Variants in SLC25A53 observed in about 807,000 individuals in gnomAD.
SLC25A53 encodes the protein mitochondrial carrier triple repeat protein 6.
In SLC25A53, 5 loss-of-function variants were observed where a neutral mutation model predicts 15.0. The ratio of observed to expected loss-of-function variants is 0.33; its 90% CI spans 0.17 to 0.70. The LOEUF (loss-of-function observed/expected upper bound fraction) is 0.70. SLC25A53 is among the 30% of genes least tolerant of loss of function. The pLI is 0.67. For synonymous variants in SLC25A53, 95 were observed against 100.0 expected (o/e 0.95, Z 0.30); for missense variants, 216 against 241.6 (o/e 0.89, Z 0.70).
intron 1 of SLC25A53, among the ~76,000 whole-genome samples, chrX:104,129,396 G>A (rs1208872287): frequency 1.8e-5 from 2 of 111,256 alleles, no homozygotes; most frequent in Non-Finnish European, 3.8e-5. Flanking sequence ...CCTCTACAGG[G>A]CACATCACTG....
At position 104,104,216 on chromosome X, in the gene SLC25A53, T is replaced by G; in HGVS notation, c.*118A>C. On this transcript the variant is annotated 3_prime_UTR_variant, in exon 2 of 2. Coordinates refer to ENST00000594199, the MANE Select transcript of SLC25A53 (RefSeq NM_001012755.5). ...GTAGTTGGGAACTTCTCCCATGCAA[T>G]GAGTTTATAGATGCTAAAGGATGGC... is the stretch of plus-strand genomic sequence containing the variant. 17 of 628,904 alleles carry G rather than the reference T, an allele frequency of 2.7e-5. No individual in the cohort carries two copies. The highest frequency in any genetic ancestry group is 3.9e-5 in the Non-Finnish European group (16 of 410,812). The allele number at this position is 628,904 out of a possible 1,213,427, so 51.8% of individuals were successfully genotyped here.
Position 104,150,690 on chromosome X carries a change from G to T in SLC25A53, c.-32+6188C>A, listed in dbSNP as rs191646499. Among the ~76,000 whole-genome samples, 5 of 112,270 alleles carry T rather than the reference G, an allele frequency of 4.5e-5. No homozygotes were observed. The East Asian group carries it at 1.4e-3, about 31-fold the overall frequency. ...AGAGTCATTAAGATACACAATCACA[G>T]AATTATTCCCATTTCCTAACAGAGT... On this transcript the variant is annotated intron_variant, in intron 1 of 1. Coordinates refer to ENST00000594199, the MANE Select transcript of SLC25A53 (RefSeq NM_001012755.5).
chrX:104,156,082 G>GAA (rs11421196), intron 1 of SLC25A53, among the ~76,000 whole-genome samples: 1 of 96,093 alleles, frequency 1.0e-5, no homozygotes, highest in African/African-American at 3.8e-5. Flanking sequence ...AAGAAAGAAA[G>GAA]AAAAAAAAAA....
Position 104,099,299 on chromosome X carries a change from GTT to G in SLC25A53, c.*5033_*5034del, listed in dbSNP as rs1457419232. 2.7e-5 allele frequency: 3 copies of G among 112,279 alleles called. No homozygotes were observed. Among genetic ancestry groups the G allele is most frequent in the Non-Finnish European group, 5.6e-5 (3 of 53,220 alleles). 9.3% of individuals were successfully genotyped at this position (112,279 alleles called of 1,213,427 possible). ...TTCCCAATGCAAAGAAATGATAAATGTTTGAGCTGATGGATATCCCAATTACC... is the reference window on the plus strand; with the variant it reads ...TTCCCAATGCAAAGAAATGATAAATGTGAGCTGATGGATATCCCAATTACC... On this transcript the variant is annotated 3_prime_UTR_variant, in exon 2 of 2. Transcript: ENST00000594199.
At chrX:104,124,516 TGGA>T (rs2075404358) in intron 1 of SLC25A53, among the ~76,000 whole-genome samples, 1 of 111,250 alleles carries the variant, frequency 9.0e-6, no homozygotes. Context: ...TGGGAGGCTC[TGGA>T]GGAGGATTGC....
At chrX:104,114,954 G>T (rs781816299) in intron 1 of SLC25A53, 1 of 1,197,008 alleles carries the variant, frequency 8.4e-7, no homozygotes, top group South Asian at 1.8e-5. Flanking sequence ...ATGTGATCCT[G>T]GTGGTGTCTC....
At chrX:104,152,257 G>A (rs1252606097) in intron 1 of SLC25A53, among the ~76,000 whole-genome samples, 6 of 84,343 alleles carry the variant, frequency 7.1e-5, no homozygotes, top group African/African-American at 2.9e-4. Context: ...GCTCTGGTGT[G>A]TGATGTTCCC....
At chrX:104,115,391 G>A in intron 1 of SLC25A53, 14 of 1,013,976 alleles carry the variant, frequency 1.4e-5, no homozygotes, top group Non-Finnish European at 1.8e-5. Context: ...TAACAGGAGA[G>A]GGGGGTGGGT....
chrX:104,132,630 A>AT (rs1245463183), intron 1 of SLC25A53, among the ~76,000 whole-genome samples: 36 of 111,229 alleles, frequency 3.2e-4, no homozygotes, highest in Non-Finnish European at 6.4e-4. Context: ...CCTGGACAAA[A>AT]TTTTTTTTTA....
At chrX:104,116,973 TCA>T (rs1265354664) in intron 1 of SLC25A53, among the ~76,000 whole-genome samples, 3 of 103,112 alleles carry the variant, frequency 2.9e-5, no homozygotes, top group African/African-American at 3.7e-5. Context: ...ATCTATATCC[TCA>T]CAGTCTCATT....
intron 1 of SLC25A53, among the ~76,000 whole-genome samples, chrX:104,134,218 C>T (rs1180582223): frequency 7.1e-5 from 8 of 112,162 alleles, no homozygotes; most frequent in South Asian, 3.7e-4. Context: ...TCATCCTCCA[C>T]GCAAATGTCA....
At chrX:104,131,242 C>A (rs1284909666) in intron 1 of SLC25A53, 1 of 111,920 alleles carries the variant, frequency 8.9e-6, no homozygotes, top group East Asian at 2.8e-4. Context: ...TCCAAAAGAC[C>A]AAGGCAAAAG....
chrX:104,100,967 T>C lies in SLC25A53; in HGVS notation c.*3367A>G, dbSNP rs1332820412. On this transcript the variant is annotated 3_prime_UTR_variant, in exon 2 of 2. Coordinates refer to ENST00000594199, the MANE Select transcript of SLC25A53 (RefSeq NM_001012755.5). ...ATATCCCACAAGCTGAGGACTAGGT[T>C]TCACAAGACTGTTCCCAGGCCCTTC... The C allele has an allele frequency of 1.8e-5, 2 of 111,380 alleles. No individual in the cohort carries two copies. The highest frequency in any genetic ancestry group is 3.8e-5 in the Non-Finnish European group (2 of 53,133). The allele number at this position is 111,380 out of a possible 1,213,427, so 9.2% of individuals were successfully genotyped here.
Position 104,100,030 on chromosome X carries a change from T to G in SLC25A53, c.*4304A>C, listed in dbSNP as rs1217782800. 1 of 112,106 alleles carries G rather than the reference T, an allele frequency of 8.9e-6. No homozygotes were observed. Among genetic ancestry groups the G allele is most frequent in the African/African-American group, 3.2e-5 (1 of 30,852 alleles). 9.2% of individuals were successfully genotyped at this position (112,106 alleles called of 1,213,427 possible). On this transcript the variant is annotated 3_prime_UTR_variant, in exon 2 of 2. Coordinates refer to ENST00000594199, the MANE Select transcript of SLC25A53 (RefSeq NM_001012755.5). ...ATATTTTTATCTTTTCTGAAAGCTT[T>G]TTATATTGTTTCTGATTTATTATGC...
At chrX:104,123,164 C>G (rs1262303083) in intron 1 of SLC25A53, among the ~76,000 whole-genome samples, 4 of 112,590 alleles carry the variant, frequency 3.6e-5, no homozygotes, top group Non-Finnish European at 7.5e-5. Context: ...AACCGTCCCT[C>G]CCAGACTCTT....
intron 1 of SLC25A53, among the ~76,000 whole-genome samples, chrX:104,148,097 T>A (rs2075473775): frequency 9.1e-6 from 1 of 110,111 alleles, no homozygotes; most frequent in Admixed American, 9.6e-5. Flanking sequence ...GTGGCACATA[T>A]ACACCATGGA....
At chrX:104,148,472 G>A (rs2075475450) in intron 1 of SLC25A53, among the ~76,000 whole-genome samples, 1 of 108,483 alleles carries the variant, frequency 9.2e-6, no homozygotes, top group East Asian at 3.0e-4. Flanking sequence ...AGAAAATGTG[G>A]CACATATACA....
intron 1 of SLC25A53, chrX:104,114,289 AC>A: frequency 8.3e-7 from 1 of 1,210,729 alleles, no homozygotes; most frequent in South Asian, 1.8e-5. Flanking sequence ...GGGGAAAGAA[AC>A]CTTTGAAAAC....
rs1253646771 is a variant in SLC25A53, at chrX:104,099,537, A to T, written c.*4797T>A. 2 of 112,508 alleles carry T rather than the reference A, an allele frequency of 1.8e-5. No individual in the cohort carries two copies. Among genetic ancestry groups the T allele is most frequent in the African/African-American group, 6.5e-5 (2 of 30,982 alleles). The allele number at this position is 112,508 out of a possible 1,213,427, so 9.3% of individuals were successfully genotyped here. ...CAATAAAAATGGATCAACTACAGCT[A>T]TCTGCAATATCAATGAGTCTCACAA... On this transcript the variant is annotated 3_prime_UTR_variant, in exon 2 of 2. Transcript: ENST00000594199.
Sources: allele counts gnomAD v4.1 joint callset (sites outside exome capture counted in the v4.1 genomes callset), GRCh38; gene constraint gnomAD v4.1.1; transcripts MANE v1.5; gene names NCBI Gene and HGNC (gene_info 2026-07-23, HGNC 2026-07-21).